Variants in UTP6 observed in about 807,000 individuals in gnomAD.
UTP6 encodes the protein UTP6 small subunit processome component, also known as U3 small nucleolar RNA-associated protein 6 homolog.
Under a neutral mutation model 96.5 loss-of-function variants are expected in UTP6, and 60 were observed. The observed-to-expected ratio is 0.62, with a 90% CI of 0.51 to 0.77. The LOEUF is 0.77. UTP6 is among the 30% of genes least tolerant of loss of function. The pLI is 0.00. For synonymous variants in UTP6, 215 were observed against 240.1 expected (o/e 0.90, Z 0.96); for missense variants, 637 against 706.5 (o/e 0.90, Z 1.12).
intron 11 of UTP6, 83 bp from the exon 12 acceptor site, chr17:31,878,864 A>T (rs1191073874): frequency 7.6e-7 from 1 of 1,324,116 alleles, no homozygotes; most frequent in African/African-American, 1.5e-5. Flanking sequence ...ATAAGGAAAA[A>T]AACAGTCATC....
Position 31,863,379 on chromosome 17 carries a change from G to T in UTP6, c.1774C>A (p.His592Asn), listed in dbSNP as rs771513885. The change falls in exon 19 of 19, where the codon CAT (histidine) becomes AAT (asparagine). Residue 592 changes from histidine (H) to asparagine (N), a missense_variant. Transcript: ENST00000261708. ...AEAFVAKHAM[H>N]QTGHL ...CATCTTCATAAATGGCCAGTCTGAT[G>T]CATAGCATGTTTAGCTACAAATGCC... 1.6e-5 allele frequency: 26 copies of T among 1,613,738 alleles called. No individual in the cohort carries two copies. The highest frequency in any genetic ancestry group is 2.7e-5 in the African/African-American group (2 of 74,886).
intron 11 of UTP6, 105 bp downstream of exon 11, chr17:31,880,468 C>A: frequency 1.5e-6 from 2 of 1,311,128 alleles, no homozygotes; most frequent in Non-Finnish European, 2.2e-6. Flanking sequence ...AACTATGTTA[C>A]AGAGACATCC....
At chr17:31,875,522 T>A in intron 13 of UTP6, 109 bp from the exon 14 acceptor site, 1 of 1,270,822 alleles carries the variant, frequency 7.9e-7, no homozygotes, top group Non-Finnish European at 1.1e-6. Context: ...ACCTTTCCAC[T>A]ACAATTTAAA....
chr17:31,886,935 T>A (rs1357367052), intron 8 of UTP6, among the ~76,000 whole-genome samples: 1 of 152,134 alleles, frequency 6.6e-6, no homozygotes, highest in African/African-American at 2.4e-5. Context: ...TTAGTCCAAA[T>A]ATCTATTTTT....
At position 31,884,523 on chromosome 17, in the gene UTP6, G is replaced by C. The variant is rs763339575; in HGVS notation, c.704-18C>G. ...TTCTGCACCTAAATTTAAAAAGCAG[G>C]GGAGGGGAAGTTTATTGCCAATAAG... On this transcript the variant is annotated intron_variant, in intron 9 of 18. Coordinates refer to ENST00000261708, the MANE Select transcript of UTP6 (RefSeq NM_018428.3). 2.5e-6 allele frequency: 4 copies of C among 1,600,678 alleles called. No individual in the cohort carries two copies. The Admixed American group carries it at 5.1e-5, about 20-fold the overall frequency.
chr17:31,883,472 C>T (rs1449843821), intron 10 of UTP6, among the ~76,000 whole-genome samples: 4 of 151,886 alleles, frequency 2.6e-5, no homozygotes, highest in Non-Finnish European at 4.4e-5. Context: ...TGCGCCACCA[C>T]GCCCGACTAA....
chr17:31,900,607 C>A (rs1327551642), intron 1 of UTP6, among the ~76,000 whole-genome samples: 1 of 152,150 alleles, frequency 6.6e-6, no homozygotes, highest in Non-Finnish European at 1.5e-5. Flanking sequence ...ATAAAGACTT[C>A]TTTTACTCCA....
At chr17:31,866,999 G>A (rs553732584) in intron 17 of UTP6, among the ~76,000 whole-genome samples, 7 of 149,362 alleles carry the variant, frequency 4.7e-5, no homozygotes, top group South Asian at 2.1e-4. Flanking sequence ...ATTATGCAAC[G>A]TCCTTTCTAT....
chr17:31,868,133 G>T (rs761434312), intron 16 of UTP6, 21 bp from the exon 17 acceptor site: 4 of 1,605,848 alleles, frequency 2.5e-6, no homozygotes, highest in East Asian at 2.2e-5. Context: ...AGGAGAAAAC[G>T]TTATCTTCAA....
rs528924476 is a variant in UTP6, at chr17:31,897,684, G to C, written c.177+1962C>G. Among the ~76,000 whole-genome samples, 6 of 151,972 alleles carry C rather than the reference G, an allele frequency of 3.9e-5. No individual in the cohort carries two copies. The East Asian group carries it at 1.2e-3, about 29-fold the overall frequency. On this transcript the variant is annotated intron_variant, in intron 2 of 18. Coordinates refer to ENST00000261708, the MANE Select transcript of UTP6 (RefSeq NM_018428.3). ...GGCTGGTCTCGAACTCCTGACCACA[G>C]GTGATCTGCCTGCCTCAGCCTCCCA... is the stretch of plus-strand genomic sequence containing the variant.
rs753718512 is a variant in UTP6, at chr17:31,894,742, A to T, written c.220-5T>A. On this transcript the variant is annotated splice_polypyrimidine_tract_variant and splice_region_variant and intron_variant, in intron 3 of 18. Transcript: ENST00000261708. ...CTTAAATGAATATCCAATGCGCTAA[A>T]GGGGGACATAAAAAAACAGAGCCTC... 7 of 1,603,708 alleles carry T rather than the reference A, an allele frequency of 4.4e-6. 1 individual carries two copies. The African/African-American group carries it at 6.7e-5, about 15-fold the overall frequency.
intron 18 of UTP6, among the ~76,000 whole-genome samples, chr17:31,865,076 T>C (rs1909737702): frequency 6.6e-6 from 1 of 152,162 alleles, no homozygotes; most frequent in Admixed American, 6.6e-5. Flanking sequence ...TGGAGTGCAA[T>C]GGTATAATCT....
intron 18 of UTP6, among the ~76,000 whole-genome samples, chr17:31,864,692 A>G (rs544747487): frequency 3.0e-4 from 45 of 152,054 alleles, no homozygotes; most frequent in Non-Finnish European, 5.7e-4. Flanking sequence ...GTGGCATCAC[A>G]GTCATTGCAG....
chr17:31,897,179 G>A (rs1055530038), intron 2 of UTP6, among the ~76,000 whole-genome samples: 1 of 151,970 alleles, frequency 6.6e-6, no homozygotes, highest in Non-Finnish European at 1.5e-5. Flanking sequence ...CTACCTACTT[G>A]GGAGGCTGAG....
At position 31,878,728 on chromosome 17, in the gene UTP6, A is replaced by T; in HGVS notation, c.1021T>A (p.Ser341Thr). Residue 341 changes from serine to threonine, a missense_variant, in exon 12 of 19, where the codon TCA becomes ACA. Ser to Thr is a moderately conservative substitution (Grantham distance 58, BLOSUM62 1). Transcript: ENST00000261708. The stretch of plus-strand genomic sequence containing the variant: ...TTCCCTCTAAGGAACCCACTATTTG[A>T]CTTCTTAGTAAATCTTTCCAAGCAA... ...TFCLERFTKK[S>T]NSGFLRGKRL... The T allele has an allele frequency of 6.2e-7, 1 of 1,614,072 alleles. No individual in the cohort carries two copies. Among genetic ancestry groups the T allele is most frequent in the Non-Finnish European group, 8.5e-7 (1 of 1,180,016 alleles).
chr17:31,901,498 G>A (rs1904977136), intron 1 of UTP6, 38 bp downstream of exon 1: 1 of 1,604,092 alleles, frequency 6.2e-7, no homozygotes, highest in Non-Finnish European at 8.5e-7. Context: ...CTCCCCTCAG[G>A]CCGCCTCAGC....
chr17:31,872,402 T>C (rs369863387), intron 16 of UTP6, among the ~76,000 whole-genome samples: 1 of 151,688 alleles, frequency 6.6e-6, no homozygotes, highest in Non-Finnish European at 1.5e-5. Context: ...GCATGGTGGC[T>C]TACACTTATA....
Position 31,863,346 on chromosome 17 carries a change from G to C in UTP6, c.*13C>G. ...GCAATACTATTTCACAAAGCTGACT[G>C]TATTCTTCATCTTCATAAATGGCCA... On this transcript the variant is annotated 3_prime_UTR_variant, in exon 19 of 19. Transcript: ENST00000261708. 6.2e-7 allele frequency: 1 copy of C among 1,612,300 alleles called. No homozygotes were observed. Among genetic ancestry groups the C allele is most frequent in the Non-Finnish European group, 8.5e-7 (1 of 1,179,656 alleles).
At chr17:31,890,519 G>GAGGC (rs2142317593) in intron 6 of UTP6, among the ~76,000 whole-genome samples, 1 of 151,838 alleles carries the variant, frequency 6.6e-6, no homozygotes, top group Non-Finnish European at 1.5e-5. Context: ...TACGGAGACT[G>GAGGC]AGGCAGAAGG....
Sources: allele counts gnomAD v4.1 joint callset (sites outside exome capture counted in the v4.1 genomes callset), GRCh38; gene constraint gnomAD v4.1.1; transcripts MANE v1.5; gene names NCBI Gene and HGNC (gene_info 2026-07-23, HGNC 2026-07-21).